TOM1L1: variants seen among roughly 807,000 people sequenced by gnomAD.
TOM1L1 encodes TOM1-like protein 1.
Under a neutral mutation model 63.4 loss-of-function variants are expected in TOM1L1, and 64 were observed. The ratio of observed to expected loss-of-function variants is 1.01; its 90% CI spans 0.83 to 1.24. TOM1L1 has a LOEUF of 1.24. TOM1L1 is among the 50% of genes most tolerant of loss of function. TOM1L1 has a pLI of 0.00. For synonymous variants in TOM1L1, 166 were observed against 194.4 expected, an observed-to-expected ratio of 0.85 and a Z score of 1.22; for missense variants, 536 against 567.0, an observed-to-expected ratio of 0.95 and a Z score of 0.55.
At chr17:54,923,934 G>C (rs2048725239) in intron 7 of TOM1L1, among the ~76,000 whole-genome samples, 1 of 152,106 alleles carries the variant, frequency 6.6e-6, no homozygotes, top group African/African-American at 2.4e-5. Context: ...GGAGGTTGCA[G>C]TGAGCTAAGA....
At chr17:54,930,853 TAAATA>T (rs919200603) in intron 8 of TOM1L1, among the ~76,000 whole-genome samples, 5 of 151,352 alleles carry the variant, frequency 3.3e-5, no homozygotes, top group African/African-American at 7.3e-5. Flanking sequence ...AGAATATAAA[TAAATA>T]AAATAAATAA....
intron 10 of TOM1L1, 32 bp from the exon 11 acceptor site, chr17:54,938,892 T>G: frequency 7.1e-7 from 1 of 1,409,962 alleles, no homozygotes. Context: ...ACAAAATGTT[T>G]TAAAGCCAAA....
chr17:54,941,545 T>A (rs891620854), intron 11 of TOM1L1, among the ~76,000 whole-genome samples: 1 of 152,200 alleles, frequency 6.6e-6, no homozygotes, highest in South Asian at 2.1e-4. Context: ...TGGTAAATAG[T>A]GTGGTTTAAA....
chr17:54,924,357 G>A (rs2048734566), intron 7 of TOM1L1, among the ~76,000 whole-genome samples: 5 of 148,218 alleles, frequency 3.4e-5, no homozygotes. Flanking sequence ...TCTGCTCACT[G>A]CAACCTCCGC....
At chr17:54,954,464 A>C (rs575345512) in intron 14 of TOM1L1, 1 of 152,388 alleles carries the variant, frequency 6.6e-6, no homozygotes, top group East Asian at 1.9e-4. Context: ...CCTGGCAAAG[A>C]AGAGTGCAAC....
At chr17:54,929,263 T>A (rs1431503592) in intron 7 of TOM1L1, among the ~76,000 whole-genome samples, 1 of 152,130 alleles carries the variant, frequency 6.6e-6, no homozygotes, top group Non-Finnish European at 1.5e-5. Flanking sequence ...AATATCAGTG[T>A]ACATAAGAAA....
At chr17:54,946,908 G>A (rs974639055) in intron 11 of TOM1L1, among the ~76,000 whole-genome samples, 1 of 152,184 alleles carries the variant, frequency 6.6e-6, no homozygotes, top group Non-Finnish European at 1.5e-5. Flanking sequence ...CAGTACGTTT[G>A]CTCCGCTTTA....
Position 54,905,471 on chromosome 17 carries a change from G to T in TOM1L1, c.144-18G>T. The T allele has an allele frequency of 6.4e-7, 1 of 1,558,954 alleles. No homozygotes were observed. The highest frequency in any genetic ancestry group is 8.8e-7 in the Non-Finnish European group (1 of 1,137,638). On this transcript the variant is annotated intron_variant, in intron 2 of 15. Coordinates refer to ENST00000575882, the MANE Select transcript of TOM1L1 (RefSeq NM_005486.3). ...AGCAATGCCTAAATTGGTGATTTCA[G>T]TGTATTTATTGCTATAGGCCAAAAG...
intron 8 of TOM1L1, among the ~76,000 whole-genome samples, chr17:54,934,476 G>T (rs1045717549): frequency 6.6e-6 from 1 of 152,080 alleles, no homozygotes; most frequent in African/African-American, 2.4e-5. Context: ...TGTGAGGGTG[G>T]GCGTTACTGT....
intron 3 of TOM1L1, among the ~76,000 whole-genome samples, chr17:54,909,210 G>C (rs1350293664): frequency 6.6e-6 from 1 of 152,186 alleles, no homozygotes; most frequent in African/African-American, 2.4e-5. Context: ...AGTGAGCCTA[G>C]ATTGTGCCAG....
intron 7 of TOM1L1, 27 bp from the exon 8 acceptor site, chr17:54,930,046 A>G: frequency 6.2e-7 from 1 of 1,613,838 alleles, no homozygotes; most frequent in Non-Finnish European, 8.5e-7. Context: ...AGTGTGGAAG[A>G]AGAAATCTCT....
At chr17:54,942,480 T>C (rs1230801606) in intron 11 of TOM1L1, 1 of 152,138 alleles carries the variant, frequency 6.6e-6, no homozygotes, top group Non-Finnish European at 1.5e-5. Flanking sequence ...TACTAATTAC[T>C]TAACCTATGA....
chr17:54,907,473 T>G (rs903659874), intron 3 of TOM1L1, among the ~76,000 whole-genome samples: 1 of 152,222 alleles, frequency 6.6e-6, no homozygotes, highest in Non-Finnish European at 1.5e-5. Flanking sequence ...GCCACTTTGT[T>G]TCTAAGAACG....
chr17:54,941,601 G>T (rs1424726144), intron 11 of TOM1L1, among the ~76,000 whole-genome samples: 2 of 152,184 alleles, frequency 1.3e-5, no homozygotes, highest in Non-Finnish European at 2.9e-5. Context: ...GTTGGGTAAT[G>T]AGAGAAAGAA....
rs545805013 is a variant in TOM1L1, at chr17:54,950,069, C to T, written c.1313C>T (p.Pro438Leu). The change falls in exon 14 of 16, where the codon CCA becomes CTA. Residue 438 changes from proline to leucine, a missense_variant. Physicochemically the swap from Pro to Leu is moderately conservative, Grantham distance 98 (BLOSUM62 -3). Transcript: ENST00000575882. Reference sequence around the variant, plus strand: ...GCGATGACAAAAAGTGATCTCCAGCCACCTAATTACTACGAGGTAATGGAG... The same window carrying T: ...GCGATGACAAAAAGTGATCTCCAGCTACCTAATTACTACGAGGTAATGGAG... ...HPAMTKSDLQPPNYYEVMEFD... is the reference protein window; with the variant it reads ...HPAMTKSDLQLPNYYEVMEFD... 4 of 1,613,970 alleles carry T rather than the reference C, an allele frequency of 2.5e-6. No homozygotes were observed. In the East Asian group the frequency reaches 8.9e-5, roughly 36 times the overall value.
rs749108320 is a variant in TOM1L1, at chr17:54,915,776, G to C, written c.634G>C (p.Val212Leu). Reference protein sequence around the residue: ...IGKLHSELDMVKMNVRVMSAI... With the variant: ...IGKLHSELDMLKMNVRVMSAI... ...AAAACTGCACAGTGAATTGGATATG[G>C]TGAAAATGAATGTGCGAGTGATGTC... Residue 212 changes from valine to leucine, a missense_variant, in exon 7 of 16, where the codon GTG becomes CTG. Coordinates refer to ENST00000575882, the MANE Select transcript of TOM1L1 (RefSeq NM_005486.3). 26 of 1,612,212 alleles carry C rather than the reference G, an allele frequency of 1.6e-5. No homozygotes were observed. The highest frequency in any genetic ancestry group is 2.0e-5 in the Non-Finnish European group (23 of 1,179,326).
intron 11 of TOM1L1, among the ~76,000 whole-genome samples, chr17:54,942,979 T>C (rs2143926050): frequency 6.6e-6 from 1 of 152,336 alleles, no homozygotes; most frequent in South Asian, 2.1e-4. Flanking sequence ...ATTTGCTTTA[T>C]GTGTTTTGAA....
At chr17:54,920,117 C>T (rs2048659449) in intron 7 of TOM1L1, among the ~76,000 whole-genome samples, 1 of 151,952 alleles carries the variant, frequency 6.6e-6, no homozygotes, top group Admixed American at 6.6e-5. Context: ...CACGTCAATA[C>T]AGTTAGAACG....
At position 54,961,222 on chromosome 17, in the gene TOM1L1, C is replaced by T. The variant is rs1472252126; in HGVS notation, c.*2-13C>T. 4.0e-6 allele frequency: 6 copies of T among 1,501,066 alleles called. No homozygotes were observed. Among genetic ancestry groups the T allele is most frequent in the South Asian group, 3.6e-5 (3 of 83,134 alleles). The allele number at this position is 1,501,066 out of a possible 1,614,324, so 93.0% of individuals were successfully genotyped here. A position where few individuals can be genotyped will look rare whatever the true frequency, so the allele number is the denominator to read the frequency against. On this transcript the variant is annotated splice_polypyrimidine_tract_variant and intron_variant, in intron 15 of 15. Transcript: ENST00000575882. ...CAGGATGAATACTGGCCATTTTCTT[C>T]TCTTTATTTTAGAAGAAAGTGGATG... is the stretch of plus-strand genomic sequence containing the variant.
Sources: allele counts gnomAD v4.1 joint callset (sites outside exome capture counted in the v4.1 genomes callset), GRCh38; gene constraint gnomAD v4.1.1; transcripts MANE v1.5; gene names NCBI Gene and HGNC (gene_info 2026-07-23, HGNC 2026-07-21).